Variants in GALNT18 observed in about 807,000 individuals in gnomAD.
The protein encoded by GALNT18 is polypeptide N-acetylgalactosaminyltransferase 18, also known as GalNAc-transferase 18.
GALNT18 carries 44 observed loss-of-function variants against 69.5 expected under a neutral mutation model. The ratio of observed to expected loss-of-function variants is 0.63; its 90% CI spans 0.50 to 0.81. The LOEUF is 0.81. GALNT18 is among the 40% of genes least tolerant of loss of function. The pLI, the probability that GALNT18 is intolerant of heterozygous loss-of-function variation, is 0.00. For synonymous variants in GALNT18, 364 were observed against 318.2 expected (o/e 1.14, Z -1.53); for missense variants, 715 against 810.0 (o/e 0.88, Z 1.42).
In GALNT18 at chr11:11,614,236, C is replaced by T. The variant is rs933555984; in HGVS notation, c.235+7123G>A. Among the ~76,000 whole-genome samples the T allele has an allele frequency of 2.0e-5, 3 of 152,098 alleles. No homozygotes were observed. Among genetic ancestry groups the T allele is most frequent in the Non-Finnish European group, 4.4e-5 (3 of 68,026 alleles). On this transcript the variant is annotated intron_variant, in intron 1 of 10. Transcript: ENST00000227756. This position sits in a 1 kb window ranked among gnomAD's most constrained non-coding sequence, Gnocchi z 5.6. Reference sequence around the variant, plus strand: ...CTGCAAGCTGTTCGAAGTCCAGCATCTGCTAGGCTCCTGGGGAGACTCCAG... The same window carrying T: ...CTGCAAGCTGTTCGAAGTCCAGCATTTGCTAGGCTCCTGGGGAGACTCCAG...
chr11:11,351,890 G>T, intron 6 of GALNT18: 1 of 1,350,752 alleles, frequency 7.4e-7, no homozygotes, highest in Non-Finnish European at 1.0e-6. Context: ...GCTGCATCAA[G>T]GAGGGGGTGG....
chr11:11,567,117 CAA>C (rs1342687690), intron 1 of GALNT18, among the ~76,000 whole-genome samples: 1 of 152,140 alleles, frequency 6.6e-6, no homozygotes, highest in Non-Finnish European at 1.5e-5. Context: ...GAGGTAGACT[CAA>C]GAGCAGCCAG....
In GALNT18 at chr11:11,469,058, C is replaced by T. The variant is rs1030043669; in HGVS notation, c.236-20122G>A. The stretch of plus-strand genomic sequence containing the variant: ...AGGGACAGTGTGTTGGGCACAACCA[C>T]TGCCTCTTGAGATGAGGCCACCAGG... On this transcript the variant is annotated intron_variant, in intron 1 of 10. Transcript: ENST00000227756. This position sits in a 1 kb window ranked among gnomAD's most constrained non-coding sequence, Gnocchi z 4.2. 1.3e-5 allele frequency among the ~76,000 whole-genome samples: 2 copies of T among 152,208 alleles called. No individual in the cohort carries two copies. Among genetic ancestry groups the T allele is most frequent in the African/African-American group, 4.8e-5 (2 of 41,456 alleles).
At chr11:11,375,303 C>A (rs1483581549) in intron 5 of GALNT18, among the ~76,000 whole-genome samples, 3 of 152,190 alleles carry the variant, frequency 2.0e-5, no homozygotes, top group Non-Finnish European at 4.4e-5. Flanking sequence ...TTCCCTCAAC[C>A]AAGTTTTTGA....
intron 6 of GALNT18, among the ~76,000 whole-genome samples, chr11:11,355,923 C>A (rs958151624): frequency 5.3e-5 from 8 of 152,158 alleles, no homozygotes; most frequent in Non-Finnish European, 1.2e-4. Context: ...GCCATTTACA[C>A]CAGGGGTTAA....
chr11:11,373,313 C>A (rs1850957560), intron 5 of GALNT18, among the ~76,000 whole-genome samples: 1 of 152,064 alleles, frequency 6.6e-6, no homozygotes, highest in Admixed American at 6.6e-5. Context: ...GTATCAGGAA[C>A]AGAGATAGGA....
intron 6 of GALNT18, among the ~76,000 whole-genome samples, chr11:11,362,492 G>C (rs1380600246): frequency 6.6e-6 from 1 of 152,072 alleles, no homozygotes; most frequent in Non-Finnish European, 1.5e-5. Context: ...TAAAAATAGA[G>C]AGAAGACTAA....
At chr11:11,298,951 G>A (rs777360280) in intron 9 of GALNT18, among the ~76,000 whole-genome samples, 20 of 151,932 alleles carry the variant, frequency 1.3e-4, no homozygotes, top group Admixed American at 7.9e-4. Flanking sequence ...CCTGCCTCCC[G>A]CCTCCAACCT....
At chr11:11,374,461 C>T (rs1464777715) in intron 5 of GALNT18, among the ~76,000 whole-genome samples, 2 of 152,206 alleles carry the variant, frequency 1.3e-5, no homozygotes, top group Non-Finnish European at 2.9e-5. Context: ...TCAGAAACAT[C>T]AGGCTGGCAG....
At chr11:11,608,320 T>C (rs1038161322) in intron 1 of GALNT18, among the ~76,000 whole-genome samples, 1 of 152,126 alleles carries the variant, frequency 6.6e-6, no homozygotes, top group African/African-American at 2.4e-5. Flanking sequence ...CGGTAGCTCC[T>C]ACCTGATACA....
At chr11:11,609,852 T>G (rs773079834) in intron 1 of GALNT18, among the ~76,000 whole-genome samples, 2 of 152,220 alleles carry the variant, frequency 1.3e-5, no homozygotes, top group African/African-American at 4.8e-5. Context: ...GGGCTGGCCA[T>G]GTCTGCTATT....
chr11:11,482,302 A>C (rs897151828), intron 1 of GALNT18, among the ~76,000 whole-genome samples: 1 of 152,198 alleles, frequency 6.6e-6, no homozygotes, highest in African/African-American at 2.4e-5. Flanking sequence ...GTCACTGTGC[A>C]TTTGGCTCTG....
intron 6 of GALNT18, among the ~76,000 whole-genome samples, chr11:11,348,526 C>G (rs1213395584): frequency 6.6e-6 from 1 of 152,150 alleles, no homozygotes; most frequent in African/African-American, 2.4e-5. Context: ...TAACCTCCCT[C>G]CAAAATATCT....
chr11:11,378,264 G>A (rs1853822143), intron 4 of GALNT18, among the ~76,000 whole-genome samples: 1 of 152,204 alleles, frequency 6.6e-6, no homozygotes, highest in South Asian at 2.1e-4. Context: ...ACTCCCCGGG[G>A]GCACAGGTTG....
chr11:11,585,138 T>G (rs1037276676), intron 1 of GALNT18, among the ~76,000 whole-genome samples: 1 of 152,278 alleles, frequency 6.6e-6, no homozygotes, highest in Admixed American at 6.5e-5. Context: ...AAATCATGCT[T>G]GGATAAAAGA....
At chr11:11,577,649 C>A (rs140855650) in intron 1 of GALNT18, among the ~76,000 whole-genome samples, 1 of 152,172 alleles carries the variant, frequency 6.6e-6, no homozygotes. Context: ...AGGCTCAACA[C>A]CCCAAATCGA....
intron 9 of GALNT18, among the ~76,000 whole-genome samples, chr11:11,301,892 A>C (rs1455314621): frequency 6.6e-6 from 1 of 152,208 alleles, no homozygotes; most frequent in African/African-American, 2.4e-5. Context: ...GGCCAGGCTT[A>C]TAACAGATGA....
rs1001912012 is a variant in GALNT18 at position 11,583,730 on chromosome 11, A to C, written c.235+37629T>G. On this transcript the variant is annotated intron_variant, in intron 1 of 10. Transcript: ENST00000227756. This position sits in a 1 kb window ranked among gnomAD's most constrained non-coding sequence, Gnocchi z 4.7. ...CATACGTGGTCAGGGAAAATGCTTA[A>C]AGCTTCAGCTCCTTTCAGAAAAGCA... Among the ~76,000 whole-genome samples the C allele has an allele frequency of 6.6e-6, 1 of 152,200 alleles. No individual in the cohort carries two copies.
At chr11:11,425,774 A>C (rs550341251) in intron 3 of GALNT18, among the ~76,000 whole-genome samples, 1 of 152,208 alleles carries the variant, frequency 6.6e-6, no homozygotes, top group Non-Finnish European at 1.5e-5. Flanking sequence ...CAAGCCCCCA[A>C]AGTGCTTAGC....
Sources: gnomAD v4.1 joint callset for allele counts (sites outside exome capture counted in the v4.1 genomes callset) on GRCh38, gnomAD v4.1.1 for gene constraint, Gnocchi (gnomAD v3.1) non-coding constraint, MANE v1.5 for transcripts, NCBI Gene and HGNC (gene_info 2026-07-23, HGNC 2026-07-21) for gene names.